Variants in PCAT7 observed in about 807,000 individuals in gnomAD.
The protein encoded by PCAT7 is prostate cancer associated transcript 7 (non-protein coding).
intron 3 of PCAT7, among the ~76,000 whole-genome samples, chr9:94,573,902 T>C (rs535965145): frequency 1.3e-5 from 2 of 152,330 alleles, no homozygotes; most frequent in African/African-American, 4.8e-5. Context: ...CTGTGAATAT[T>C]TGTTATGTTT....
chr9:94,568,103 G>A (rs1179194833), intron 2 of PCAT7: 1 of 144,370 alleles, frequency 6.9e-6, no homozygotes, highest in Non-Finnish European at 1.5e-5. Flanking sequence ...ACTCCAGCCT[G>A]GATGACAGAG....
At chr9:94,560,051 G>A (rs962323904) in intron 2 of PCAT7, among the ~76,000 whole-genome samples, 5 of 152,284 alleles carry the variant, frequency 3.3e-5, no homozygotes, top group South Asian at 4.1e-4. Context: ...ACTGAGCCCC[G>A]GAGTTCAAGG....
chr9:94,572,072 G>A (rs1236941957), intron 2 of PCAT7, among the ~76,000 whole-genome samples: 7 of 152,076 alleles, frequency 4.6e-5, no homozygotes, highest in Non-Finnish European at 7.4e-5. Context: ...CAGCTGGAGC[G>A]GCTGCACAAC....
At chr9:94,554,779 G>C (rs1826979684), upstream of PCAT7, among the ~76,000 whole-genome samples, 1 of 152,168 alleles carries the variant, frequency 6.6e-6, no homozygotes, top group African/African-American at 2.4e-5. Flanking sequence ...GAGTGCCCCA[G>C]GCTCCAGGCT....
intron 2 of PCAT7, among the ~76,000 whole-genome samples, chr9:94,566,958 C>CTTAGA (rs59395125): frequency 0.48 from 73,134 of 151,544 alleles, 18,225 homozygotes; most frequent in African/African-American, 0.6. Flanking sequence ...TAGGTTGGAG[C>CTTAGA]TTAAACAAAT....
chr9:94,560,765 GTTA>G (rs1051971648), intron 2 of PCAT7, among the ~76,000 whole-genome samples: 186 of 147,046 alleles, frequency 1.3e-3, no homozygotes, highest in Non-Finnish European at 2.3e-3. Context: ...TTTATATAAT[GTTA>G]TTATATATTT....
intron 2 of PCAT7, among the ~76,000 whole-genome samples, chr9:94,560,164 G>A (rs1229434770): frequency 2.0e-5 from 3 of 152,298 alleles, no homozygotes; most frequent in African/African-American, 7.2e-5. Flanking sequence ...ACTGTTTCCT[G>A]CACGAGGGGT....
intron 2 of PCAT7, among the ~76,000 whole-genome samples, chr9:94,562,066 C>T (rs1827114027): frequency 6.6e-6 from 1 of 152,114 alleles, no homozygotes; most frequent in South Asian, 2.1e-4. Flanking sequence ...AATCCCAGCA[C>T]TTTGGGAGGC....
At chr9:94,563,591 G>A (rs1181344869) in intron 2 of PCAT7, 1 of 967,892 alleles carries the variant, frequency 1.0e-6, no homozygotes, top group East Asian at 2.5e-5. Context: ...ACTAGTGTAG[G>A]AATTGAAAAG....
chr9:94,565,924 T>C (rs1827182867), intron 2 of PCAT7, among the ~76,000 whole-genome samples: 1 of 152,146 alleles, frequency 6.6e-6, no homozygotes, highest in South Asian at 2.1e-4. Flanking sequence ...TTACACCCAT[T>C]CATTTTTACA....
chr9:94,572,574 A>C (rs904190202), intron 2 of PCAT7, among the ~76,000 whole-genome samples: 1 of 152,140 alleles, frequency 6.6e-6, no homozygotes, highest in Non-Finnish European at 1.5e-5. Context: ...ATTTTCATTC[A>C]CGGGCTTAGT....
intron 2 of PCAT7, among the ~76,000 whole-genome samples, chr9:94,562,681 T>C (rs1304013308): frequency 6.6e-6 from 1 of 152,204 alleles, no homozygotes; most frequent in East Asian, 1.9e-4. Flanking sequence ...TTTCTGTGAT[T>C]GGCTAAAATT....
intron 2 of PCAT7, among the ~76,000 whole-genome samples, chr9:94,559,404 C>T (rs1038545347): frequency 1.3e-5 from 2 of 152,180 alleles, no homozygotes; most frequent in Non-Finnish European, 2.9e-5. Flanking sequence ...TTATGAGAGA[C>T]CTGCCTCTTG....
chr9:94,563,914 G>A (rs1172564202), intron 2 of PCAT7, among the ~76,000 whole-genome samples: 1 of 152,166 alleles, frequency 6.6e-6, no homozygotes, highest in Non-Finnish European at 1.5e-5. Context: ...TAATGGTAAA[G>A]GGCTCAATTC....
intron 2 of PCAT7, chr9:94,567,527 G>A: frequency 3.3e-6 from 4 of 1,229,582 alleles, no homozygotes; most frequent in Non-Finnish European, 4.6e-6. Flanking sequence ...GGGCTTGGCT[G>A]TGGTCACTCT....
At chr9:94,558,797 C>T (rs1827047329) in intron 1 of PCAT7, 1 of 750,146 alleles carries the variant, frequency 1.3e-6, no homozygotes, top group African/African-American at 1.8e-5. Context: ...CTGTCGTAAG[C>T]AGTTTGTTGT....
chr9:94,558,439 C>CGTGA (rs1827040168), intron 1 of PCAT7, among the ~76,000 whole-genome samples: 1 of 152,066 alleles, frequency 6.6e-6, no homozygotes, highest in East Asian at 1.9e-4. Context: ...GGACTACAGG[C>CGTGA]GCCCGCCACC....
intron 2 of PCAT7, chr9:94,571,347 C>T (rs1409335758): frequency 3.2e-5 from 37 of 1,150,964 alleles, no homozygotes; most frequent in Non-Finnish European, 4.1e-5. Context: ...CTCAGGACCC[C>T]TGGTCCCCAA....
chr9:94,558,316 A>G (rs1827037437), intron 1 of PCAT7, among the ~76,000 whole-genome samples: 1 of 152,098 alleles, frequency 6.6e-6, no homozygotes, highest in Non-Finnish European at 1.5e-5. Context: ...ATTTTTTTAG[A>G]TGGAATCTCA....
Sources: allele counts gnomAD v4.1 joint callset (sites outside exome capture counted in the v4.1 genomes callset), GRCh38; gene constraint gnomAD v4.1.1; transcripts MANE v1.5; gene names NCBI Gene and HGNC (gene_info 2026-07-23, HGNC 2026-07-21).